The following ARHGAP10 variants were observed in gnomAD, a reference collection of about 807,000 sequenced individuals.
ARHGAP10 encodes the protein rho GTPase-activating protein 10.
ARHGAP10 carries 87 observed loss-of-function variants against 108.6 expected under a neutral mutation model. That is an observed-to-expected ratio of 0.80 (90% CI 0.67 to 0.96). ARHGAP10 has a LOEUF of 0.96. Among genes scored for constraint, ARHGAP10 ranks in the 40% least tolerant of loss-of-function variants. ARHGAP10 has a pLI of 0.00. For missense variants in ARHGAP10, 939 were observed against 954.5 expected, an observed-to-expected ratio of 0.98 and a Z score of 0.21; for synonymous variants, 347 against 341.1, an observed-to-expected ratio of 1.02 and a Z score of -0.19.
intron 18 of ARHGAP10, among the ~76,000 whole-genome samples, chr4:148,015,583 A>G (rs560401842): frequency 6.6e-6 from 1 of 152,140 alleles, no homozygotes; most frequent in Non-Finnish European, 1.5e-5. Context: ...TCTAGAAAAG[A>G]CCCTCATTTA....
chr4:147,781,070 C>T (rs1362599344), intron 1 of ARHGAP10, among the ~76,000 whole-genome samples: 2 of 152,124 alleles, frequency 1.3e-5, no homozygotes, highest in Admixed American at 6.6e-5. Context: ...CCTAGGACTA[C>T]TGGCGGGGCC....
chr4:147,947,433 G>C (rs535843576), intron 15 of ARHGAP10, among the ~76,000 whole-genome samples: 2 of 150,236 alleles, frequency 1.3e-5, no homozygotes, highest in Admixed American at 6.6e-5. Context: ...ATGAAGTCTC[G>C]CTCTTTTTGC....
chr4:147,738,668 A>G (rs1357121667), intron 1 of ARHGAP10, among the ~76,000 whole-genome samples: 1 of 152,178 alleles, frequency 6.6e-6, no homozygotes, highest in Non-Finnish European at 1.5e-5. Flanking sequence ...TGATGACATA[A>G]CTAAATTACA....
chr4:147,953,901 A>G (rs905375302), intron 15 of ARHGAP10, among the ~76,000 whole-genome samples: 1 of 151,900 alleles, frequency 6.6e-6, no homozygotes, highest in Non-Finnish European at 1.5e-5. Flanking sequence ...TAGTAGCATA[A>G]AATGTCATCT....
At chr4:147,775,602 A>G (rs1400515127) in intron 1 of ARHGAP10, among the ~76,000 whole-genome samples, 3 of 152,150 alleles carry the variant, frequency 2.0e-5, no homozygotes, top group Non-Finnish European at 4.4e-5. Flanking sequence ...TTTCACCCAG[A>G]AGGCAGAGTG....
chr4:147,765,000 A>G (rs2126710193), intron 1 of ARHGAP10, among the ~76,000 whole-genome samples: 1 of 152,326 alleles, frequency 6.6e-6, no homozygotes, highest in South Asian at 2.1e-4. Flanking sequence ...GCCCAAGTAC[A>G]AGTAATCTTG....
rs117842405 is a variant in ARHGAP10, at chr4:147,969,734, A to G, written c.1716+2895A>G. On this transcript the variant is annotated intron_variant, in intron 18 of 22. Transcript: ENST00000336498. ...TTAATAAATCTTACAGGAATTTTCCAGTAGCGTCGGCAAGCCTGTTACAAT... is the reference window on the plus strand; with the variant it reads ...TTAATAAATCTTACAGGAATTTTCCGGTAGCGTCGGCAAGCCTGTTACAAT... Among the ~76,000 whole-genome samples the G allele has an allele frequency of 1.5e-3, 233 of 152,356 alleles. 8 individuals are homozygous for G. In the East Asian group the frequency reaches 0.044, roughly 29 times the overall value.
At chr4:148,059,956 G>A (rs1227308292) in intron 20 of ARHGAP10, among the ~76,000 whole-genome samples, 1 of 151,242 alleles carries the variant, frequency 6.6e-6, no homozygotes, top group African/African-American at 2.4e-5. Flanking sequence ...CTTTTATGAT[G>A]GGTAAAGCCC....
At chr4:147,832,373 G>A (rs1732986364) in intron 3 of ARHGAP10, among the ~76,000 whole-genome samples, 1 of 151,080 alleles carries the variant, frequency 6.6e-6, no homozygotes, top group African/African-American at 2.4e-5. Context: ...AGGAGTCCAG[G>A]CACGGTAGCT....
chr4:147,764,930 A>T (rs773391495), intron 1 of ARHGAP10, among the ~76,000 whole-genome samples: 6 of 152,226 alleles, frequency 3.9e-5, no homozygotes, highest in Non-Finnish European at 7.3e-5. Flanking sequence ...TTTAAAAGTA[A>T]TATTTTGGGC....
intron 21 of ARHGAP10, 124 bp downstream of exon 21, chr4:148,063,424 C>A: frequency 7.6e-7 from 1 of 1,308,752 alleles, no homozygotes; most frequent in South Asian, 1.4e-5. Flanking sequence ...GCATCCTGGA[C>A]TTCATGGACA....
rs183559258 is a variant in ARHGAP10 at position 147,830,985 on chromosome 4, T to G, written c.312+8028T>G. On this transcript the variant is annotated intron_variant, in intron 3 of 22. Coordinates refer to ENST00000336498, the MANE Select transcript of ARHGAP10 (RefSeq NM_024605.4). Reference sequence around the variant, plus strand: ...TGCCCTAGGGCACTTGTCATCAAAGTATGGTCCCTGGTCCAGCATCACTTT... The same window carrying G: ...TGCCCTAGGGCACTTGTCATCAAAGGATGGTCCCTGGTCCAGCATCACTTT... 5.9e-5 allele frequency among the ~76,000 whole-genome samples: 9 copies of G among 152,318 alleles called. No individual in the cohort carries two copies. In the East Asian group the frequency reaches 1.7e-3, roughly 29 times the overall value.
intron 19 of ARHGAP10, among the ~76,000 whole-genome samples, chr4:148,043,586 C>A (rs1728725249): frequency 8.0e-6 from 1 of 124,728 alleles, no homozygotes; most frequent in African/African-American, 3.0e-5. Flanking sequence ...CGAGACCAAG[C>A]TGGACAACAT....
At chr4:148,045,176 T>C (rs1371476773) in intron 19 of ARHGAP10, among the ~76,000 whole-genome samples, 1 of 152,180 alleles carries the variant, frequency 6.6e-6, no homozygotes, top group Non-Finnish European at 1.5e-5. Context: ...AACAGAATGT[T>C]CTGCACAGTG....
At chr4:147,887,086 T>A (rs989842087) in intron 10 of ARHGAP10, among the ~76,000 whole-genome samples, 5 of 152,144 alleles carry the variant, frequency 3.3e-5, no homozygotes, top group African/African-American at 1.2e-4. Flanking sequence ...TGCTGTATAC[T>A]CCCAGTTGAA....
At chr4:148,055,478 C>G (rs1296637146) in intron 20 of ARHGAP10, among the ~76,000 whole-genome samples, 1 of 152,210 alleles carries the variant, frequency 6.6e-6, no homozygotes, top group East Asian at 1.9e-4. Flanking sequence ...CACTTGAGGT[C>G]AGGAGTTCGA....
chr4:147,883,970 C>G lies in ARHGAP10; in HGVS notation c.1034+2038C>G, dbSNP rs1338770478. On this transcript the variant is annotated intron_variant, in intron 10 of 22. Coordinates refer to ENST00000336498, the MANE Select transcript of ARHGAP10 (RefSeq NM_024605.4). ...TTGGCCTCCCAAAGTGCTGGGATTACAGGCAAGAGCCACTGTGCCTAGCTT... is the reference window on the plus strand; with the variant it reads ...TTGGCCTCCCAAAGTGCTGGGATTAGAGGCAAGAGCCACTGTGCCTAGCTT... Among the ~76,000 whole-genome samples the G allele has an allele frequency of 4.6e-5, 7 of 152,344 alleles. No homozygotes were observed. In the South Asian group the frequency reaches 8.3e-4, roughly 18 times the overall value.
chr4:147,868,235 T>G (rs895748471), intron 7 of ARHGAP10, among the ~76,000 whole-genome samples: 1 of 145,154 alleles, frequency 6.9e-6, no homozygotes, highest in Non-Finnish European at 1.5e-5. Context: ...TGTTGTTGAG[T>G]TTTTTTTGTT....
intron 1 of ARHGAP10, among the ~76,000 whole-genome samples, chr4:147,797,410 C>T (rs573022904): frequency 1.2e-4 from 19 of 152,064 alleles, no homozygotes; most frequent in African/African-American, 3.9e-4. Context: ...GTACCCTCCC[C>T]ACTTTGTTTT....
Sources: allele counts gnomAD v4.1 joint callset (sites outside exome capture counted in the v4.1 genomes callset), GRCh38; gene constraint gnomAD v4.1.1; transcripts MANE v1.5; gene names NCBI Gene and HGNC (gene_info 2026-07-23, HGNC 2026-07-21).